The following SMPD3 variants were observed in gnomAD, a reference collection of about 807,000 sequenced individuals.
SMPD3 encodes sphingomyelin phosphodiesterase 3.
A neutral mutation model predicts 55.7 loss-of-function variants in SMPD3; 21 were observed. The ratio of observed to expected loss-of-function variants is 0.38; its 90% CI spans 0.27 to 0.54. SMPD3 has a LOEUF of 0.54. Ranked by LOEUF, SMPD3 falls within the 20% of genes least tolerant of loss-of-function variation. The probability of loss-of-function intolerance (pLI) is 0.80; values close to 1 mark genes in which losing one functional copy is unlikely to be tolerated. For missense variants in SMPD3, 842 were observed against 899.6 expected (o/e 0.94, Z 0.82); for synonymous variants, 457 against 404.3 (o/e 1.13, Z -1.56).
intron 1 of SMPD3, among the ~76,000 whole-genome samples, chr16:68,405,551 A>C (rs1190510383): frequency 6.7e-6 from 1 of 149,796 alleles, no homozygotes; most frequent in East Asian, 1.9e-4. Flanking sequence ...GTCTCAAAAA[A>C]AAAAAAAAAA....
At chr16:68,424,731 G>T (rs572267594) in intron 1 of SMPD3, among the ~76,000 whole-genome samples, 1 of 151,906 alleles carries the variant, frequency 6.6e-6, no homozygotes, top group Non-Finnish European at 1.5e-5. Flanking sequence ...TTTTTTTTGA[G>T]ATGGGGTCTC....
At position 68,429,102 on chromosome 16, in the gene SMPD3, C is replaced by T. The variant is rs12598272; in HGVS notation, c.-269+19251G>A. Among the ~76,000 whole-genome samples, 63 of 152,328 alleles carry T rather than the reference C, an allele frequency of 4.1e-4. No individual in the cohort carries two copies. In the East Asian group the frequency reaches 0.011, roughly 27 times the overall value. On this transcript the variant is annotated intron_variant, in intron 1 of 8. Transcript: ENST00000219334. ...CTAGGCCATTGCAGTGTTATAGACT[C>T]GGAGTTGGCCCCAGCCTACCAGGTA...
intron 1 of SMPD3, among the ~76,000 whole-genome samples, chr16:68,411,558 G>A (rs1418245957): frequency 6.6e-6 from 1 of 152,174 alleles, no homozygotes; most frequent in African/African-American, 2.4e-5. Context: ...ATGAGCTGAT[G>A]GCCAGCAGGG....
chr16:68,361,836 T>C (rs1413511172), intron 7 of SMPD3, 77 bp from the exon 8 acceptor site: 1 of 1,254,794 alleles, frequency 8.0e-7, no homozygotes, highest in Non-Finnish European at 1.1e-6. Context: ...TGTGGAGCCA[T>C]GGTCTCCTCC....
intron 1 of SMPD3, among the ~76,000 whole-genome samples, chr16:68,399,488 G>T (rs1453615776): frequency 1.3e-5 from 2 of 152,216 alleles, no homozygotes; most frequent in Non-Finnish European, 2.9e-5. Context: ...TACATCTGCT[G>T]CCTGGAATGG....
At chr16:68,425,985 G>A (rs993267482) in intron 1 of SMPD3, among the ~76,000 whole-genome samples, 2 of 152,180 alleles carry the variant, frequency 1.3e-5, no homozygotes, top group Admixed American at 1.3e-4. Context: ...GAGTGGATTT[G>A]CTTAAAAAGA....
intron 1 of SMPD3, among the ~76,000 whole-genome samples, chr16:68,437,035 A>G (rs757786835): frequency 1.3e-5 from 2 of 152,242 alleles, no homozygotes; most frequent in Non-Finnish European, 2.9e-5. Context: ...GGAAGCACCC[A>G]GAAGGGAATG....
chr16:68,422,275 G>A (rs2090400658), intron 1 of SMPD3, among the ~76,000 whole-genome samples: 1 of 152,196 alleles, frequency 6.6e-6, no homozygotes, highest in African/African-American at 2.4e-5. Flanking sequence ...GAAGGAGGTG[G>A]AATTTATCCT....
chr16:68,408,140 A>G (rs1424124843), intron 1 of SMPD3, among the ~76,000 whole-genome samples: 2 of 152,234 alleles, frequency 1.3e-5, no homozygotes, highest in Non-Finnish European at 2.9e-5. Flanking sequence ...AATTAATTAC[A>G]TAGCCCCAGC....
intron 7 of SMPD3, among the ~76,000 whole-genome samples, chr16:68,363,167 CTG>C (rs1194196244): frequency 1.0e-5 from 1 of 97,660 alleles, no homozygotes; most frequent in Non-Finnish European, 1.9e-5. Flanking sequence ...GGGGGTCGAC[CTG>C]TGGCCTGGCC....
At chr16:68,363,180 CG>C (rs35538562) in intron 7 of SMPD3, among the ~76,000 whole-genome samples, 118,075 of 152,054 alleles carry the variant, frequency 0.78, 46,661 homozygotes, top group African/African-American at 0.93. Context: ...TGGCCTGGCC[CG>C]GGGGAAATTC....
chr16:68,397,590 C>G (rs1052553995), intron 1 of SMPD3, among the ~76,000 whole-genome samples: 24 of 152,164 alleles, frequency 1.6e-4, no homozygotes, highest in African/African-American at 5.8e-4. Context: ...TTTCATGGCC[C>G]CCAGGATAAA....
chr16:68,362,678 A>C (rs1209002984), intron 7 of SMPD3, among the ~76,000 whole-genome samples: 2 of 152,246 alleles, frequency 1.3e-5, no homozygotes, highest in Non-Finnish European at 2.9e-5. Context: ...ATGGGCTTCC[A>C]CAAGGTTTTC....
chr16:68,446,774 G>T (rs902811172), intron 1 of SMPD3, among the ~76,000 whole-genome samples: 6 of 152,156 alleles, frequency 3.9e-5, no homozygotes, highest in African/African-American at 1.4e-4. Flanking sequence ...CAGGCCCCTT[G>T]CTCAAGGTGG....
At chr16:68,437,793 C>A (rs1299645121) in intron 1 of SMPD3, among the ~76,000 whole-genome samples, 4 of 152,178 alleles carry the variant, frequency 2.6e-5, no homozygotes, top group Admixed American at 2.6e-4. Context: ...AGAAGCGTAG[C>A]CATGGAGAGA....
chr16:68,429,235 C>G (rs1489902318), intron 1 of SMPD3, among the ~76,000 whole-genome samples: 2 of 152,192 alleles, frequency 1.3e-5, no homozygotes, highest in African/African-American at 4.8e-5. Flanking sequence ...ACAGTGGGCT[C>G]CATTCCAGTC....
intron 2 of SMPD3, among the ~76,000 whole-genome samples, chr16:68,375,549 C>T (rs2089789802): frequency 1.3e-5 from 2 of 152,204 alleles, no homozygotes; most frequent in South Asian, 2.1e-4. Context: ...TCCCGTGTGG[C>T]GCATCCCTGA....
In SMPD3 at chr16:68,370,918, A is replaced by G. The variant is rs781366194; in HGVS notation, c.1264T>C (p.Cys422Arg). 3.7e-6 allele frequency: 6 copies of G among 1,614,082 alleles called. No homozygotes were observed. Among genetic ancestry groups the G allele is most frequent in the Non-Finnish European group, 5.1e-6 (6 of 1,180,028 alleles). Residue 422 changes from cysteine to arginine, a missense_variant, in exon 3 of 9, where the codon TGT (cysteine) becomes CGT (arginine). Cys to Arg is a radical substitution (Grantham distance 180). Coordinates refer to ENST00000219334, the MANE Select transcript of SMPD3 (RefSeq NM_018667.4). ...RYPIMDVAYH[C>R]YPNKCNDDAL... ...TCGTCGTTACACTTGTTGGGGTAACAGTGATAGGCCACGTCCATGATGGGG... is the reference window on the plus strand; with the variant it reads ...TCGTCGTTACACTTGTTGGGGTAACGGTGATAGGCCACGTCCATGATGGGG...
chr16:68,406,716 A>T (rs535865729), intron 1 of SMPD3, among the ~76,000 whole-genome samples: 3 of 152,302 alleles, frequency 2.0e-5, no homozygotes, highest in Non-Finnish European at 4.4e-5. Context: ...CTGGTTGGGG[A>T]CGCTTATTGT....
Sources: allele counts gnomAD v4.1 joint callset (sites outside exome capture counted in the v4.1 genomes callset), GRCh38; gene constraint gnomAD v4.1.1; transcripts MANE v1.5; gene names NCBI Gene and HGNC (gene_info 2026-07-23, HGNC 2026-07-21).